The following TRAPPC9 variants were observed in gnomAD, a reference collection of about 807,000 sequenced individuals.
TRAPPC9 encodes trafficking protein particle complex subunit 9, also known as IKK2 binding protein.
In TRAPPC9, 83 loss-of-function variants were observed where a neutral mutation model predicts 124.0. That is an observed-to-expected ratio of 0.67 (90% CI 0.56 to 0.80). TRAPPC9 has a LOEUF of 0.80. Among genes scored for constraint, TRAPPC9 ranks in the 30% least tolerant of loss-of-function variants. The pLI, the probability that TRAPPC9 is intolerant of heterozygous loss-of-function variation, is 0.00. For synonymous variants in TRAPPC9, 638 were observed against 617.5 expected, an observed-to-expected ratio of 1.03 and a Z score of -0.49; for missense variants, 1,302 against 1,508.3, an observed-to-expected ratio of 0.86 and a Z score of 2.27.
intron 21 of TRAPPC9, chr8:139,881,045 T>C (rs1829648316): frequency 6.6e-6 from 1 of 152,256 alleles, no homozygotes. Flanking sequence ...TTTGCCAACA[T>C]GCCTCTGTGC....
intron 15 of TRAPPC9, among the ~76,000 whole-genome samples, chr8:140,260,597 T>C (rs1175805796): frequency 6.6e-6 from 1 of 152,174 alleles, no homozygotes; most frequent in Non-Finnish European, 1.5e-5. Flanking sequence ...TGTGCTAACA[T>C]AGCATGGAAG....
chr8:139,853,753 C>T (rs1827638533), intron 21 of TRAPPC9, among the ~76,000 whole-genome samples: 1 of 152,164 alleles, frequency 6.6e-6, no homozygotes, highest in South Asian at 2.1e-4. Flanking sequence ...GCAACATGTG[C>T]TCACTCTGAG....
At chr8:140,140,692 A>G (rs1369925181) in intron 17 of TRAPPC9, among the ~76,000 whole-genome samples, 1 of 152,148 alleles carries the variant, frequency 6.6e-6, no homozygotes, top group Non-Finnish European at 1.5e-5. Context: ...ATCTTCGTAA[A>G]GCAAAGTTGG....
chr8:139,750,433 C>T (rs929032304), intron 21 of TRAPPC9, among the ~76,000 whole-genome samples: 7 of 152,282 alleles, frequency 4.6e-5, no homozygotes, highest in South Asian at 2.1e-4. Flanking sequence ...CTCAGGCTGC[C>T]GCCCCTTTGT....
intron 21 of TRAPPC9, among the ~76,000 whole-genome samples, chr8:139,777,260 C>G (rs1465219826): frequency 6.6e-6 from 1 of 152,222 alleles, no homozygotes; most frequent in Non-Finnish European, 1.5e-5. Flanking sequence ...CAGGGCTGAG[C>G]AGGGTCTGAC....
intron 17 of TRAPPC9, among the ~76,000 whole-genome samples, chr8:140,049,534 T>A (rs1403771972): frequency 6.6e-6 from 1 of 150,944 alleles, no homozygotes; most frequent in Non-Finnish European, 1.5e-5. Flanking sequence ...TGAAGATAAA[T>A]CCTACAGGGC....
At chr8:139,790,917 G>A (rs992617882) in intron 21 of TRAPPC9, among the ~76,000 whole-genome samples, 2 of 152,074 alleles carry the variant, frequency 1.3e-5, no homozygotes, top group Non-Finnish European at 2.9e-5. Flanking sequence ...GATTGTTTAG[G>A]AGAGTGTGGC....
At chr8:140,396,025 G>A (rs559367473) in intron 7 of TRAPPC9, among the ~76,000 whole-genome samples, 1 of 152,120 alleles carries the variant, frequency 6.6e-6, no homozygotes, top group South Asian at 2.1e-4. Context: ...TGGGGAAGCT[G>A]TCAGCACTGC....
chr8:139,803,712 A>G (rs573319829), intron 21 of TRAPPC9, among the ~76,000 whole-genome samples: 8 of 152,338 alleles, frequency 5.3e-5, no homozygotes, highest in South Asian at 4.1e-4. Context: ...CTCAAAGGCG[A>G]TATGTGGCTG....
intron 15 of TRAPPC9, among the ~76,000 whole-genome samples, chr8:140,254,820 A>G (rs1283478906): frequency 6.6e-6 from 1 of 152,258 alleles, no homozygotes; most frequent in Admixed American, 6.5e-5. Context: ...AGAATCCTAG[A>G]TCCAAATGAT....
At chr8:140,251,970 G>A (rs2064140655) in intron 16 of TRAPPC9, among the ~76,000 whole-genome samples, 1 of 152,050 alleles carries the variant, frequency 6.6e-6, no homozygotes, top group African/African-American at 2.4e-5. Context: ...TTGACTGAAA[G>A]ACTCCACACT....
intron 21 of TRAPPC9, among the ~76,000 whole-genome samples, chr8:139,813,509 G>C (rs1197585844): frequency 6.6e-6 from 1 of 152,244 alleles, no homozygotes; most frequent in Non-Finnish European, 1.5e-5. Flanking sequence ...GAGCCGAGAA[G>C]GGCCAGGCCT....
chr8:140,451,785 G>A (rs764537396), intron 1 of TRAPPC9, among the ~76,000 whole-genome samples: 10 of 152,058 alleles, frequency 6.6e-5, no homozygotes, highest in South Asian at 2.1e-4. Context: ...TTTGAATTCC[G>A]GGCTCCCTGG....
intron 19 of TRAPPC9, among the ~76,000 whole-genome samples, chr8:139,938,383 C>T (rs1395215365): frequency 1.3e-5 from 2 of 152,058 alleles, no homozygotes; most frequent in Non-Finnish European, 1.5e-5. Flanking sequence ...CTCCCGGGTT[C>T]ACGCCATTCT....
At position 140,235,717 on chromosome 8, in the gene TRAPPC9, T is replaced by C. The variant is rs978987886; in HGVS notation, c.2432-14134A>G. Among the ~76,000 whole-genome samples, 4 of 152,320 alleles carry C rather than the reference T, an allele frequency of 2.6e-5. No individual in the cohort carries two copies. The East Asian group carries it at 5.8e-4, about 22-fold the overall frequency. On this transcript the variant is annotated intron_variant, in intron 16 of 22. Transcript: ENST00000438773. ...TGTACAGAAATCCCAAGAACCACTT[T>C]GAAAATCTGTTTGGCTATGGATCTA...
Position 139,885,046 on chromosome 8 carries a change from C to A in TRAPPC9, c.3055+833G>T, listed in dbSNP as rs540431997. Among the ~76,000 whole-genome samples the A allele has an allele frequency of 5.3e-5, 8 of 152,244 alleles. 1 individual carries two copies. The South Asian group carries it at 1.7e-3, about 32-fold the overall frequency. Reference sequence around the variant, plus strand: ...GAACAAATTTATTAATGAACCGGATCCTGGATCAAAGAGGAGCTACTCATT... The same window carrying A: ...GAACAAATTTATTAATGAACCGGATACTGGATCAAAGAGGAGCTACTCATT... On this transcript the variant is annotated intron_variant, in intron 21 of 22. Coordinates refer to ENST00000438773, the MANE Select transcript of TRAPPC9 (RefSeq NM_001160372.4).
chr8:140,383,745 T>A (rs1588255576), intron 7 of TRAPPC9, among the ~76,000 whole-genome samples: 1 of 152,270 alleles, frequency 6.6e-6, no homozygotes, highest in East Asian at 1.9e-4. Context: ...CTCTGCAGGA[T>A]ATTATCCACA....
chr8:140,140,286 A>G (rs2061364290), intron 17 of TRAPPC9, among the ~76,000 whole-genome samples: 1 of 152,206 alleles, frequency 6.6e-6, no homozygotes, highest in African/African-American at 2.4e-5. Flanking sequence ...ACTCCTTCGC[A>G]TGTTTATAAA....
chr8:140,083,813 C>T (rs368886079), intron 17 of TRAPPC9, among the ~76,000 whole-genome samples: 2 of 151,968 alleles, frequency 1.3e-5, no homozygotes, highest in Non-Finnish European at 2.9e-5. Context: ...ATTACAGGCA[C>T]GGGCCACCAC....
Sources: gnomAD v4.1 joint callset for allele counts (sites outside exome capture counted in the v4.1 genomes callset) on GRCh38, gnomAD v4.1.1 for gene constraint, MANE v1.5 for transcripts, NCBI Gene and HGNC (gene_info 2026-07-23, HGNC 2026-07-21) for gene names.